PHYKPL: variants seen among roughly 807,000 people sequenced by gnomAD.
PHYKPL encodes the protein 5-phosphohydroxy-L-lysine phospho-lyase.
In PHYKPL, 42 loss-of-function variants were observed where a neutral mutation model predicts 51.3. The ratio of observed to expected loss-of-function variants is 0.82; its 90% CI spans 0.64 to 1.06. The LOEUF is 1.06. PHYKPL is among the 50% of genes least tolerant of loss of function. The pLI is 0.00. For synonymous variants in PHYKPL, 264 were observed against 236.0 expected (o/e 1.12, Z -1.09); for missense variants, 655 against 586.6 (o/e 1.12, Z -1.20).
In PHYKPL at chr5:178,222,839, C is replaced by T. The variant is rs759431435; in HGVS notation, c.701+13G>A. 1.2e-5 allele frequency: 20 copies of T among 1,613,894 alleles called. No individual in the cohort carries two copies. Among genetic ancestry groups the T allele is most frequent in the Non-Finnish European group, 1.6e-5 (19 of 1,179,854 alleles). ...CCTGCCCTCCCTAGAGCAGACCCCG[C>T]CCACCTACTCACTCTGCCACTTGGG... On this transcript the variant is annotated intron_variant, in intron 7 of 12. Coordinates refer to ENST00000308158, the MANE Select transcript of PHYKPL (RefSeq NM_153373.4).
downstream of PHYKPL, among the ~76,000 whole-genome samples, chr5:178,207,399 CT>C (rs1757116989): frequency 6.6e-6 from 1 of 152,158 alleles, no homozygotes; most frequent in Non-Finnish European, 1.5e-5. Flanking sequence ...TGAAAGACTT[CT>C]CAGGCTGGGA....
intron 4 of PHYKPL, 192 bp from the exon 5 acceptor site, chr5:178,224,921 C>G: frequency 1.7e-6 from 1 of 579,606 alleles, no homozygotes; most frequent in Non-Finnish European, 3.1e-6. Context: ...TGCTGACTGG[C>G]TATGTGACAG....
intron 12 of PHYKPL, chr5:178,209,476 C>G (rs1757501043): frequency 6.3e-7 from 1 of 1,578,786 alleles, no homozygotes; most frequent in Non-Finnish European, 8.7e-7. Context: ...AAGATAGGTC[C>G]TGTTTCCCTG....
chr5:178,223,561 C>T (rs1184178568), intron 6 of PHYKPL: 1 of 447,142 alleles, frequency 2.2e-6, no homozygotes, highest in East Asian at 7.0e-5. Flanking sequence ...ATACTGGTCC[C>T]CCACACCTGT....
Position 178,222,412 on chromosome 5 carries a change from G to A in PHYKPL, c.870C>T (p.Ala290=), listed in dbSNP as rs151042213. 22 of 1,614,118 alleles carry A rather than the reference G, an allele frequency of 1.4e-5. No homozygotes were observed. The highest frequency in any genetic ancestry group is 8.0e-5 in the African/African-American group (6 of 74,944). The change falls in exon 8 of 13, where the codon GCC becomes GCT. Residue 290 remains alanine, a synonymous_variant. Transcript: ENST00000308158. ...IGNGHPVACV[A]ATQPVARAFE... ...ATGCCCTCGCCACAGGCTGGGTTGC[G>A]GCCACGCAGGCAACAGGGTGGCCGT...
chr5:178,211,060 G>A (rs759624713), intron 12 of PHYKPL: 3 of 190,782 alleles, frequency 1.6e-5, no homozygotes, highest in Admixed American at 5.6e-5. Context: ...GGTACCTTTT[G>A]GGAATCTAAT....
At chr5:178,232,180 G>A (rs1763605008) in intron 1 of PHYKPL, 1 of 1,227,272 alleles carries the variant, frequency 8.1e-7, no homozygotes, top group South Asian at 2.2e-5. Flanking sequence ...GTCTTCTCCG[G>A]AGTAAAGGCT....
chr5:178,225,324 T>C, intron 4 of PHYKPL, 31 bp downstream of exon 4: 1 of 1,613,528 alleles, frequency 6.2e-7, no homozygotes, highest in South Asian at 1.1e-5. Context: ...GCCAGGCTTC[T>C]GGGAACGGTA....
chr5:178,232,111 G>A (rs1763588332), intron 1 of PHYKPL: 1 of 1,191,830 alleles, frequency 8.4e-7, no homozygotes, highest in Admixed American at 3.8e-5. Flanking sequence ...TCTCGAGCCA[G>A]GCCCAGGTGC....
chr5:178,215,124 G>C (rs1340658777), intron 9 of PHYKPL, 152 bp downstream of exon 9: 8 of 1,273,990 alleles, frequency 6.3e-6, no homozygotes, highest in Non-Finnish European at 8.7e-6. Flanking sequence ...TCCTCCCCAG[G>C]AGAGCCGTTT....
chr5:178,232,482 G>A lies in PHYKPL; in HGVS notation c.59+10C>T, dbSNP rs1480814400. ...CCGCGCCCCCCGCCGCCCGCCCCCC[G>A]CCCGGGTACCTGATGAGCCGTTGCC... is the stretch of plus-strand genomic sequence containing the variant. On this transcript the variant is annotated intron_variant, in intron 1 of 12. Transcript: ENST00000308158. The A allele has an allele frequency of 1.7e-6, 2 of 1,158,866 alleles. No homozygotes were observed. Among genetic ancestry groups the A allele is most frequent in the South Asian group, 2.0e-5 (1 of 50,760 alleles). The allele number at this position is 1,158,866 out of a possible 1,614,324, so 71.8% of individuals were successfully genotyped here. A position where few individuals can be genotyped will look rare whatever the true frequency, so the allele number is the denominator to read the frequency against.
rs532544664 is a variant in PHYKPL at position 178,208,633 on chromosome 5, T to C, written c.*314A>G. 1.3e-5 allele frequency: 2 copies of C among 152,260 alleles called. No individual in the cohort carries two copies. Among genetic ancestry groups the C allele is most frequent in the African/African-American group, 4.8e-5 (2 of 41,460 alleles). The allele number at this position is 152,260 out of a possible 1,614,324, so 9.4% of individuals were successfully genotyped here. A position where few individuals can be genotyped will look rare whatever the true frequency, so the allele number is the denominator to read the frequency against. On this transcript the variant is annotated 3_prime_UTR_variant, in exon 13 of 13. Coordinates refer to ENST00000308158, the MANE Select transcript of PHYKPL (RefSeq NM_153373.4). ...TGGGTGTGCATGTCAGGATTTTCTT[T>C]AGAAATACACTGGTCTGGTCTAATT...
chr5:178,215,725 C>T, intron 8 of PHYKPL: 1 of 363,006 alleles, frequency 2.8e-6, no homozygotes, highest in Non-Finnish European at 5.0e-6. Flanking sequence ...TCCCACAGGG[C>T]TAGTCTTTAC....
intron 8 of PHYKPL, among the ~76,000 whole-genome samples, chr5:178,220,700 A>C (rs959551251): frequency 4.7e-5 from 7 of 149,566 alleles, no homozygotes; most frequent in Non-Finnish European, 8.9e-5. Flanking sequence ...AAACTATTCA[A>C]AGCAGCACTG....
intron 8 of PHYKPL, among the ~76,000 whole-genome samples, chr5:178,220,137 G>A (rs1425558546): frequency 6.8e-6 from 1 of 146,720 alleles, no homozygotes; most frequent in Non-Finnish European, 1.5e-5. Flanking sequence ...AAAGGCTGCA[G>A]TGAGCTGAGA....
intron 3 of PHYKPL, chr5:178,228,481 C>T (rs1561742445): frequency 2.9e-6 from 2 of 699,474 alleles, no homozygotes; most frequent in African/African-American, 3.5e-5. Flanking sequence ...TGCCCCTCCT[C>T]CACCACCACT....
At position 178,225,336 on chromosome 5, in the gene PHYKPL, G is replaced by T; in HGVS notation, c.413+19C>A. 1 of 1,614,044 alleles carries T rather than the reference G, an allele frequency of 6.2e-7. No homozygotes were observed. The highest frequency in any genetic ancestry group is 8.5e-7 in the Non-Finnish European group (1 of 1,179,926). On this transcript the variant is annotated intron_variant, in intron 4 of 12. Coordinates refer to ENST00000308158, the MANE Select transcript of PHYKPL (RefSeq NM_153373.4). ...TGGGCCAGGCTTCTGGGAACGGTAGGGCTGTGAGTTGCACTTACTGATCTA... is the reference window on the plus strand; with the variant it reads ...TGGGCCAGGCTTCTGGGAACGGTAGTGCTGTGAGTTGCACTTACTGATCTA...
Position 178,225,606 on chromosome 5 carries a change from G to GA in PHYKPL, c.339-178dup, listed in dbSNP as rs199735014. The stretch of plus-strand genomic sequence containing the variant: ...GCCTCCTATGTACTAGAAGCTGGGG[G>GA]AAAAAGAGTAGGTAAAACAGACATG... On this transcript the variant is annotated intron_variant, in intron 3 of 12. Coordinates refer to ENST00000308158, the MANE Select transcript of PHYKPL (RefSeq NM_153373.4). 549 of 615,672 alleles carry GA rather than the reference G, an allele frequency of 8.9e-4. 7 individuals carry two copies. In the East Asian group the frequency reaches 0.014, roughly 15 times the overall value. The allele number at this position is 615,672 out of a possible 1,614,324, so 38.1% of individuals were successfully genotyped here. A position where few individuals can be genotyped will look rare whatever the true frequency, so the allele number is the denominator to read the frequency against.
intron 3 of PHYKPL, among the ~76,000 whole-genome samples, chr5:178,226,985 A>T (rs1402146914): frequency 1.7e-4 from 25 of 148,660 alleles, no homozygotes; most frequent in Non-Finnish European, 3.3e-4. Context: ...AAAAAAGAAG[A>T]AGTGATCATT....
Sources: allele counts gnomAD v4.1 joint callset (sites outside exome capture counted in the v4.1 genomes callset), GRCh38; gene constraint gnomAD v4.1.1; transcripts MANE v1.5; gene names NCBI Gene and HGNC (gene_info 2026-07-23, HGNC 2026-07-21).